The following TMC1 variants were observed in gnomAD, a reference collection of about 807,000 sequenced individuals.
The protein encoded by TMC1 is transmembrane channel-like protein 1.
Under a neutral mutation model 105.8 loss-of-function variants are expected in TMC1, and 84 were observed. The ratio of observed to expected loss-of-function variants is 0.79; its 90% CI spans 0.67 to 0.95. TMC1 has a LOEUF of 0.95. Ranked by LOEUF, TMC1 falls within the 40% of genes least tolerant of loss-of-function variation. TMC1 has a pLI of 0.00. For missense variants in TMC1, 817 were observed against 914.1 expected (o/e 0.89, Z 1.37); for synonymous variants, 315 against 311.5 (o/e 1.01, Z -0.12).
intron 9 of TMC1, 134 bp downstream of exon 9, chr9:72,740,343 T>A: frequency 4.5e-6 from 3 of 671,746 alleles, no homozygotes; most frequent in Non-Finnish European, 7.6e-6. Flanking sequence ...ATATACACAG[T>A]ATATCTGTGG....
intron 3 of TMC1, among the ~76,000 whole-genome samples, chr9:72,627,578 C>T (rs1293066878): frequency 6.6e-6 from 1 of 152,166 alleles, no homozygotes; most frequent in East Asian, 1.9e-4. Context: ...AGCATTATGA[C>T]AAGGATGGGC....
At chr9:72,629,173 T>C (rs1825405623) in intron 4 of TMC1, among the ~76,000 whole-genome samples, 1 of 152,200 alleles carries the variant, frequency 6.6e-6, no homozygotes, top group South Asian at 2.1e-4. Context: ...ATTATTCCTA[T>C]GACATTGAGC....
At chr9:72,646,190 A>G (rs1825708354) in intron 4 of TMC1, among the ~76,000 whole-genome samples, 1 of 152,112 alleles carries the variant, frequency 6.6e-6, no homozygotes, top group Admixed American at 6.6e-5. Flanking sequence ...ATTTTGCAAT[A>G]TTTTTGTTAT....
intron 2 of TMC1, among the ~76,000 whole-genome samples, chr9:72,602,594 C>G (rs1331365472): frequency 6.6e-6 from 1 of 151,952 alleles, no homozygotes; most frequent in Non-Finnish European, 1.5e-5. Context: ...ATGTGGATCT[C>G]GAGCTCCTGA....
At chr9:72,748,556 C>T (rs1239778626) in intron 10 of TMC1, among the ~76,000 whole-genome samples, 1 of 152,032 alleles carries the variant, frequency 6.6e-6, no homozygotes, top group South Asian at 2.1e-4. Context: ...ATTTTGCTTC[C>T]TTACACTGAG....
chr9:72,664,196 A>G (rs778703864), intron 5 of TMC1, among the ~76,000 whole-genome samples: 1 of 152,232 alleles, frequency 6.6e-6, no homozygotes, highest in Non-Finnish European at 1.5e-5. Flanking sequence ...GTCGGTTATT[A>G]TCATTATCAA....
Position 72,564,992 on chromosome 9 carries a change from A to AAAGGG in TMC1, c.-427-12909_-427-12908insAGGGA, listed in dbSNP as rs1176862267. On this transcript the variant is annotated intron_variant, in intron 1 of 23. Transcript: ENST00000297784. ...CTTACGTATGTAATTTTGCACTCAAAATAAATTATATTATGGAAAAGAAAC... is the reference window on the plus strand; with the variant it reads ...CTTACGTATGTAATTTTGCACTCAAAAAGGGATAAATTATATTATGGAAAAGAAAC... Among the ~76,000 whole-genome samples, 3 of 152,358 alleles carry AAAGGG rather than the reference A, an allele frequency of 2.0e-5. No homozygotes were observed. The South Asian group carries it at 6.2e-4, about 32-fold the overall frequency.
chr9:72,777,997 A>C (rs1352481757), intron 13 of TMC1, among the ~76,000 whole-genome samples: 1 of 152,244 alleles, frequency 6.6e-6, no homozygotes, highest in African/African-American at 2.4e-5. Flanking sequence ...GTAATCTAAG[A>C]GAACTATCCA....
At chr9:72,721,730 T>C (rs1158988471) in intron 8 of TMC1, among the ~76,000 whole-genome samples, 2 of 152,204 alleles carry the variant, frequency 1.3e-5, no homozygotes, top group African/African-American at 4.8e-5. Flanking sequence ...GAGCTACTTA[T>C]TATCTATGCT....
chr9:72,721,536 G>A (rs1827026345), intron 8 of TMC1, among the ~76,000 whole-genome samples: 1 of 152,134 alleles, frequency 6.6e-6, no homozygotes, highest in Non-Finnish European at 1.5e-5. Context: ...TTTGTTACAG[G>A]AGACTGTCTC....
intron 1 of TMC1, among the ~76,000 whole-genome samples, chr9:72,543,958 T>TCTTTC (rs1564400192): frequency 6.2e-5 from 9 of 145,166 alleles, no homozygotes; most frequent in African/African-American, 1.8e-4. Flanking sequence ...CTTTCTTTTT[T>TCTTTC]TTTTTTTTTT....
intron 8 of TMC1, among the ~76,000 whole-genome samples, chr9:72,712,825 A>G (rs759942919): frequency 7.9e-5 from 12 of 152,176 alleles, no homozygotes; most frequent in Non-Finnish European, 1.2e-4. Context: ...GTGGTGAGAG[A>G]AGACATCCTT....
At chr9:72,602,357 C>T (rs1824831600) in intron 2 of TMC1, among the ~76,000 whole-genome samples, 1 of 148,218 alleles carries the variant, frequency 6.7e-6, no homozygotes, top group Non-Finnish European at 1.5e-5. Context: ...TGTGATTCTC[C>T]TATTGGTGAT....
rs556787033 is a variant in TMC1 at position 72,572,219 on chromosome 9, C to G, written c.-427-5683C>G. On this transcript the variant is annotated intron_variant, in intron 1 of 23. Coordinates refer to ENST00000297784, the MANE Select transcript of TMC1 (RefSeq NM_138691.3). ...TTTTTTGATTTTTTTTTTTTTAAAC[C>G]AGGATCTCACTTGGTCACCCAGGCT... is the stretch of plus-strand genomic sequence containing the variant. Among the ~76,000 whole-genome samples, 403 of 149,486 alleles carry G rather than the reference C, an allele frequency of 2.7e-3. 3 individuals carry two copies. Among genetic ancestry groups the G allele is most frequent in the Middle Eastern group, 0.014 (4 of 276 alleles).
At chr9:72,584,601 T>C (rs984481345) in intron 2 of TMC1, among the ~76,000 whole-genome samples, 2 of 151,956 alleles carry the variant, frequency 1.3e-5, no homozygotes, top group African/African-American at 4.8e-5. Flanking sequence ...AATGGGAATG[T>C]CACTACCAAC....
intron 2 of TMC1, among the ~76,000 whole-genome samples, chr9:72,606,191 T>C (rs547691780): frequency 4.3e-4 from 65 of 152,202 alleles, no homozygotes; most frequent in African/African-American, 1.5e-3. Context: ...ACTGGTGTAG[T>C]TGTTGGCAGG....
intron 12 of TMC1, among the ~76,000 whole-genome samples, chr9:72,767,529 G>C (rs1827859563): frequency 6.6e-6 from 1 of 152,214 alleles, no homozygotes; most frequent in African/African-American, 2.4e-5. Flanking sequence ...CAAATAGTAA[G>C]TTCTCAATAA....
chr9:72,643,751 T>C (rs1825665176), intron 4 of TMC1, among the ~76,000 whole-genome samples: 1 of 152,222 alleles, frequency 6.6e-6, no homozygotes. Flanking sequence ...TGTGGAAGTC[T>C]GTATAGGGAC....
At chr9:72,790,651 A>G (rs1828251587) in intron 15 of TMC1, among the ~76,000 whole-genome samples, 1 of 152,150 alleles carries the variant, frequency 6.6e-6, no homozygotes. Flanking sequence ...GAACCTCTTT[A>G]ACATATATTT....
Sources: allele counts gnomAD v4.1 joint callset (sites outside exome capture counted in the v4.1 genomes callset), GRCh38; gene constraint gnomAD v4.1.1; transcripts MANE v1.5; gene names NCBI Gene and HGNC (gene_info 2026-07-23, HGNC 2026-07-21).